The following SOX6 variants were observed in gnomAD, a reference collection of about 807,000 sequenced individuals.
The protein encoded by SOX6 is SRY-box transcription factor 6, also known as transcription factor SOX-6.
SOX6 carries 11 observed loss-of-function variants against 97.8 expected under a neutral mutation model. The observed-to-expected ratio is 0.11, with a 90% CI of 0.07 to 0.19. SOX6 has a LOEUF of 0.19. Among genes scored for constraint, SOX6 ranks in the 10% least tolerant of loss-of-function variants. The pLI is 1.00. For missense variants in SOX6, 810 were observed against 1,039.5 expected (o/e 0.78, Z 3.04); for synonymous variants, 360 against 371.4 (o/e 0.97, Z 0.35).
rs13377491 is a variant in SOX6, at chr11:16,559,235, A to G, written n.609+52846T>C. Among the ~76,000 whole-genome samples the G allele has an allele frequency of 2.9e-3, 448 of 152,244 alleles. 1 individual carries two copies. The highest frequency in any genetic ancestry group is 0.029 in the South Asian group (141 of 4,832). On this transcript the variant is annotated intron_variant and non_coding_transcript_variant, in intron 4 of 5. Coordinates refer to the SOX6 transcript ENST00000524520. ...ACCTTTTCACTAGTATCATAATGGT[A>G]TCTGAAACTCTTTCAAACATCACAA...
chr11:16,589,504 A>T (rs1476394559), intron 4 of SOX6, among the ~76,000 whole-genome samples: 1 of 152,162 alleles, frequency 6.6e-6, no homozygotes, highest in Non-Finnish European at 1.5e-5. Flanking sequence ...TTCCAAAAAA[A>T]CTATAGCTTA....
At chr11:16,546,079 C>T (rs1405798388) in intron 4 of SOX6, among the ~76,000 whole-genome samples, 1 of 151,294 alleles carries the variant, frequency 6.6e-6, no homozygotes, top group Non-Finnish European at 1.5e-5. Context: ...AGAAAGAAAC[C>T]AAGAGGGCAA....
intron 3 of SOX6, among the ~76,000 whole-genome samples, chr11:16,693,624 G>C (rs1164857667): frequency 1.3e-5 from 2 of 152,020 alleles, no homozygotes; most frequent in Non-Finnish European, 2.9e-5. Flanking sequence ...CCTAAGACCA[G>C]AGTAAACTAA....
chr11:16,568,123 T>C (rs1241709272), intron 4 of SOX6, among the ~76,000 whole-genome samples: 2 of 152,106 alleles, frequency 1.3e-5, no homozygotes, highest in Non-Finnish European at 2.9e-5. Context: ...GTATAAGATA[T>C]ATACAAGACA....
intron 6 of SOX6, among the ~76,000 whole-genome samples, chr11:16,124,786 C>T (rs1849569755): frequency 6.6e-6 from 1 of 151,876 alleles, no homozygotes; most frequent in African/African-American, 2.4e-5. Flanking sequence ...ACCATGAGAC[C>T]TATTTAAGTT....
At chr11:16,206,624 T>C (rs975269477) in intron 4 of SOX6, among the ~76,000 whole-genome samples, 2 of 152,186 alleles carry the variant, frequency 1.3e-5, no homozygotes, top group Non-Finnish European at 1.5e-5. Context: ...CGCAAGTTAA[T>C]ACATGTGAAG....
intron 3 of SOX6, among the ~76,000 whole-genome samples, chr11:16,619,953 T>C (rs1473438490): frequency 6.6e-6 from 1 of 152,188 alleles, no homozygotes; most frequent in Non-Finnish European, 1.5e-5. Context: ...TATTTGACTT[T>C]ATTCTATTAA....
chr11:16,221,662 T>C (rs1852542076), intron 4 of SOX6, among the ~76,000 whole-genome samples: 1 of 152,168 alleles, frequency 6.6e-6, no homozygotes, highest in Admixed American at 6.6e-5. Flanking sequence ...TTAAAATAAT[T>C]CATTCAAGGG....
intron 1 of SOX6, among the ~76,000 whole-genome samples, chr11:16,466,140 A>G (rs554235210): frequency 6.6e-6 from 1 of 152,350 alleles, no homozygotes; most frequent in African/African-American, 2.4e-5. Context: ...AGCAATAAAT[A>G]TGTAAGTCAT....
chr11:16,606,221 C>A (rs1848332112), intron 4 of SOX6, among the ~76,000 whole-genome samples: 1 of 138,216 alleles, frequency 7.2e-6, no homozygotes, highest in Admixed American at 7.0e-5. Flanking sequence ...CTTTACTTCC[C>A]TCTTTTTTCT....
chr11:16,486,628 A>C (rs1860438393), intron 4 of SOX6, among the ~76,000 whole-genome samples: 1 of 152,172 alleles, frequency 6.6e-6, no homozygotes, highest in South Asian at 2.1e-4. Context: ...TGGGAGGCCA[A>C]GGTGGGCGAA....
intron 4 of SOX6, among the ~76,000 whole-genome samples, chr11:16,564,685 T>G (rs1253642283): frequency 1.3e-5 from 2 of 152,014 alleles, no homozygotes; most frequent in African/African-American, 4.8e-5. Flanking sequence ...CCTTGGAAAC[T>G]AAGCAACACA....
chr11:16,497,607 T>C (rs10832623), intron 4 of SOX6, among the ~76,000 whole-genome samples: 107,921 of 151,974 alleles, frequency 0.71, 38,523 homozygotes, highest in East Asian at 0.95. Context: ...ATAACCAATG[T>C]ACAGAAGTCC....
chr11:16,692,074 TGTGTGTGTGTGTGTGCGCGC>T (rs1203521931), intron 3 of SOX6, among the ~76,000 whole-genome samples: 7 of 130,014 alleles, frequency 5.4e-5, no homozygotes, highest in African/African-American at 1.9e-4. Flanking sequence ...TGTGTGTGTG[TGTGTGTGTGTGTGTGCGCGC>T]GCGCGCTTTC....
intron 4 of SOX6, among the ~76,000 whole-genome samples, chr11:16,581,002 T>G (rs185209594): frequency 2.4e-3 from 363 of 152,238 alleles, no homozygotes; most frequent in Non-Finnish European, 4.1e-3. Flanking sequence ...TTGGTGGGAA[T>G]GTAAATTAGT....
intron 1 of SOX6, among the ~76,000 whole-genome samples, chr11:16,425,366 T>C (rs1455617867): frequency 6.6e-6 from 1 of 152,214 alleles, no homozygotes; most frequent in Non-Finnish European, 1.5e-5. Flanking sequence ...CTAGGCACTG[T>C]TCTAGTTGCT....
intron 15 of SOX6, among the ~76,000 whole-genome samples, chr11:15,982,603 A>G (rs1450961629): frequency 3.3e-5 from 5 of 152,214 alleles, no homozygotes; most frequent in Non-Finnish European, 4.4e-5. Flanking sequence ...CTCATTATTT[A>G]TAATAGCTAA....
intron 6 of SOX6, among the ~76,000 whole-genome samples, chr11:16,116,791 G>C (rs961573505): frequency 6.6e-6 from 1 of 152,156 alleles, no homozygotes; most frequent in Admixed American, 6.5e-5. Context: ...ATTACCGCCT[G>C]AGCTCTGCCT....
rs1460865049 is a variant in SOX6, at chr11:16,121,881, T to C, written c.778-9958A>G. ...TGTATGATTCATTTGGAATTAGATA[T>C]CTACTACCTTTTCAATCCATACAAA... On this transcript the variant is annotated intron_variant, in intron 6 of 15. Transcript: ENST00000683767. Among the ~76,000 whole-genome samples, 3 of 152,072 alleles carry C rather than the reference T, an allele frequency of 2.0e-5. No homozygotes were observed. The East Asian group carries it at 5.8e-4, about 29-fold the overall frequency.
Sources: gnomAD v4.1 joint callset for allele counts (sites outside exome capture counted in the v4.1 genomes callset) on GRCh38, gnomAD v4.1.1 for gene constraint, MANE v1.5 for transcripts, NCBI Gene and HGNC (gene_info 2026-07-23, HGNC 2026-07-21) for gene names.